Variants in TGFBI observed in about 807,000 individuals in gnomAD.
The protein encoded by TGFBI is transforming growth factor-beta-induced protein ig-h3.
TGFBI carries 50 observed loss-of-function variants against 73.7 expected under a neutral mutation model. The ratio of observed to expected loss-of-function variants is 0.68; its 90% CI spans 0.54 to 0.86. The LOEUF is 0.86. Among genes scored for constraint, TGFBI ranks in the 40% least tolerant of loss-of-function variants. The pLI is 0.00. For synonymous variants in TGFBI, 362 were observed against 360.5 expected (o/e 1.00, Z -0.05); for missense variants, 839 against 877.0 (o/e 0.96, Z 0.55).
chr5:136,040,684 A>T (rs1751314919), intron 2 of TGFBI, among the ~76,000 whole-genome samples: 1 of 152,204 alleles, frequency 6.6e-6, no homozygotes, highest in Admixed American at 6.5e-5. Flanking sequence ...CTGGCTGAGG[A>T]GAAGCCTGAA....
chr5:136,046,642 T>C, intron 4 of TGFBI, 147 bp downstream of exon 4: 1 of 1,268,864 alleles, frequency 7.9e-7, no homozygotes, highest in Non-Finnish European at 1.1e-6. Context: ...GCTGTGGAAC[T>C]TGAGCTAAAA....
rs45606331 is a variant in TGFBI at position 136,045,505 on chromosome 5, G to A, written c.299-830G>A. Among the ~76,000 whole-genome samples the A allele has an allele frequency of 3.0e-3, 457 of 152,116 alleles. 2 individuals carry two copies. Among genetic ancestry groups the A allele is most frequent in the African/African-American group, 9.8e-3 (406 of 41,494 alleles). ...GGTTGCAGTGAGCTGAGATAGGGCCGTTGCACTCCAGCCTGGGCAAGAAGA... is the reference window on the plus strand; with the variant it reads ...GGTTGCAGTGAGCTGAGATAGGGCCATTGCACTCCAGCCTGGGCAAGAAGA... On this transcript the variant is annotated intron_variant, in intron 3 of 16. Coordinates refer to ENST00000442011, the MANE Select transcript of TGFBI (RefSeq NM_000358.3).
At chr5:136,052,844 A>G in intron 7 of TGFBI, 63 bp from the exon 8 acceptor site, 1 of 1,507,178 alleles carries the variant, frequency 6.6e-7, no homozygotes, top group Non-Finnish European at 9.1e-7. Flanking sequence ...GGCAGGCTGC[A>G]AGTGGTCCCT....
chr5:136,037,398 T>G (rs1285089340), intron 2 of TGFBI, among the ~76,000 whole-genome samples: 1 of 152,176 alleles, frequency 6.6e-6, no homozygotes, highest in Non-Finnish European at 1.5e-5. Flanking sequence ...ATTTTTTACG[T>G]GTGGCACTTT....
chr5:136,036,358 A>T (rs1027756787), intron 2 of TGFBI, among the ~76,000 whole-genome samples: 1 of 152,222 alleles, frequency 6.6e-6, no homozygotes, highest in African/African-American at 2.4e-5. Context: ...GCTTTGGGCA[A>T]CTTCAAAGAG....
In TGFBI at chr5:136,052,969, T is replaced by G. The variant is rs775399687; in HGVS notation, c.976T>G (p.Ser326Ala). 1.9e-6 allele frequency: 3 copies of G among 1,613,928 alleles called. No individual in the cohort carries two copies. In the African/African-American group the frequency reaches 4.0e-5, roughly 22 times the overall value. The change falls in exon 8 of 17, where the codon TCT (serine) becomes GCT (alanine). Residue 326 changes from serine (S) to alanine (A), a missense_variant. By Grantham distance (99) the Ser-to-Ala change is moderately conservative. Transcript: ENST00000442011. ...MCAEAIVAGL[S>A]VETLEGTTLE... Reference sequence around the variant, plus strand: ...TGCTGAAGCCATCGTTGCGGGGCTGTCTGTAGAGACCCTGGAGGGCACGAC... The same window carrying G: ...TGCTGAAGCCATCGTTGCGGGGCTGGCTGTAGAGACCCTGGAGGGCACGAC...
Position 136,063,311 on chromosome 5 carries a change from A to C in TGFBI, c.*85A>C, listed in dbSNP as rs1367462294. On this transcript the variant is annotated 3_prime_UTR_variant, in exon 17 of 17. Transcript: ENST00000442011. ...CCACAGAGACTGTTTGAATGTTTTC[A>C]AAACCAAGTATCACACTTTAATGTA... 3 of 1,274,180 alleles carry C rather than the reference A, an allele frequency of 2.4e-6. No individual in the cohort carries two copies. The highest frequency in any genetic ancestry group is 1.9e-5 in the Admixed American group (1 of 53,534). 78.9% of individuals were successfully genotyped at this position (1,274,180 alleles called of 1,614,324 possible).
chr5:136,057,761 G>A (rs1751673380), intron 12 of TGFBI, among the ~76,000 whole-genome samples: 1 of 152,150 alleles, frequency 6.6e-6, no homozygotes, highest in Non-Finnish European at 1.5e-5. Flanking sequence ...TCAGGTTGCA[G>A]GCAGCTCTAA....
At chr5:136,034,412 C>T (rs1448298199) in intron 2 of TGFBI, among the ~76,000 whole-genome samples, 1 of 151,942 alleles carries the variant, frequency 6.6e-6, no homozygotes, top group Admixed American at 6.6e-5. Context: ...ATTGCTTTAC[C>T]TGAAAAGTTC....
chr5:136,047,479 C>T (rs1240927821), intron 6 of TGFBI, 59 bp downstream of exon 6: 1 of 1,601,118 alleles, frequency 6.2e-7, no homozygotes, highest in Admixed American at 1.7e-5. Flanking sequence ...CCAAGAGGGG[C>T]CTAGCAGGAA....
At position 136,029,603 on chromosome 5, in the gene TGFBI, C is replaced by T. The variant is rs766403403; in HGVS notation, c.134+414C>T. Among the ~76,000 whole-genome samples the T allele has an allele frequency of 2.8e-4, 43 of 152,206 alleles. 1 individual carries two copies. Among genetic ancestry groups the T allele is most frequent in the Non-Finnish European group, 1.5e-4 (10 of 68,028 alleles). On this transcript the variant is annotated intron_variant, in intron 1 of 16. Coordinates refer to ENST00000442011, the MANE Select transcript of TGFBI (RefSeq NM_000358.3). ...ACCTATTCCAACCCAGCCAGGCCCC[C>T]GGCCAGCGACTCCAGACAAGAACCT...
intron 1 of TGFBI, among the ~76,000 whole-genome samples, chr5:136,031,186 C>G (rs1234531935): frequency 3.9e-5 from 6 of 152,192 alleles, no homozygotes; most frequent in African/African-American, 1.4e-4. Flanking sequence ...GGCACATGAA[C>G]CATGGCAAAA....
At position 136,047,313 on chromosome 5, in the gene TGFBI, C is replaced by T; in HGVS notation, c.664C>T (p.His222Tyr). The T allele has an allele frequency of 3.7e-6, 6 of 1,613,890 alleles. No homozygotes were observed. The highest frequency in any genetic ancestry group is 5.1e-6 in the Non-Finnish European group (6 of 1,179,856). The part of the protein sequence containing the change: ...VNCARLLKAD[H>Y]HATNGVVHLI... ...CTGTGCCCGGCTGCTGAAAGCCGAC[C>T]ACCATGCAACCAACGGGGTGGTGCA... is the stretch of plus-strand genomic sequence containing the variant. Residue 222 changes from histidine to tyrosine, a missense_variant, in exon 6 of 17, where the codon CAC becomes TAC. His to Tyr is a moderately conservative substitution (Grantham distance 83). Coordinates refer to ENST00000442011, the MANE Select transcript of TGFBI (RefSeq NM_000358.3).
chr5:136,045,641 A>T (rs1269561065), intron 3 of TGFBI: 1 of 152,162 alleles, frequency 6.6e-6, no homozygotes, highest in Non-Finnish European at 1.5e-5. Flanking sequence ...AGAGTATGTG[A>T]TGGGAGAGGT....
At position 136,056,696 on chromosome 5, in the gene TGFBI, C is replaced by A. The variant is rs1313490756; in HGVS notation, c.1579C>A (p.Leu527Met). The A allele has an allele frequency of 6.2e-7, 1 of 1,613,898 alleles. No homozygotes were observed. Among genetic ancestry groups the A allele is most frequent in the South Asian group, 1.1e-5 (1 of 91,072 alleles). ...GGTAGCTGCCATCCAGTCTGCAGGA[C>A]TGACGGAGACCCTCAACCGGGAAGG... The part of the protein sequence containing the change: ...MLVAAIQSAG[L>M]TETLNREGVY... Residue 527 changes from leucine to methionine, a missense_variant, in exon 12 of 17, where the codon CTG (leucine) becomes ATG (methionine). Transcript: ENST00000442011.
At chr5:136,061,269 C>T (rs2126917910) in intron 14 of TGFBI, 2 of 588,350 alleles carry the variant, frequency 3.4e-6, no homozygotes, top group South Asian at 2.0e-5. Flanking sequence ...ATGTTCCTTG[C>T]CTCCAGTGCA....
At chr5:136,035,032 G>A (rs556896368) in intron 2 of TGFBI, among the ~76,000 whole-genome samples, 1 of 152,352 alleles carries the variant, frequency 6.6e-6, no homozygotes, top group East Asian at 1.9e-4. Flanking sequence ...TCCAATGTGT[G>A]ACCCTGATTA....
At chr5:136,046,757 C>G (rs550826371) in intron 4 of TGFBI, 94 bp from the exon 5 acceptor site, 1 of 1,455,370 alleles carries the variant, frequency 6.9e-7, no homozygotes. Flanking sequence ...CCTGGGCTCA[C>G]GAGGGCTGAG....
chr5:136,039,621 TGAGGA>T (rs1283173463), intron 2 of TGFBI, among the ~76,000 whole-genome samples: 1 of 152,226 alleles, frequency 6.6e-6, no homozygotes, highest in Non-Finnish European at 1.5e-5. Context: ...GCTTGGGAAC[TGAGGA>T]GACACAGTCA....
Sources: gnomAD v4.1 joint callset for allele counts (sites outside exome capture counted in the v4.1 genomes callset) on GRCh38, gnomAD v4.1.1 for gene constraint, MANE v1.5 for transcripts, NCBI Gene and HGNC (gene_info 2026-07-23, HGNC 2026-07-21) for gene names.